INTS6L: variants seen among roughly 807,000 people sequenced by gnomAD.
The protein encoded by INTS6L is integrator complex subunit 6-like.
In INTS6L, 18 loss-of-function variants were observed where a neutral mutation model predicts 64.7. The observed-to-expected ratio is 0.28, with a 90% CI of 0.19 to 0.41. INTS6L has a LOEUF of 0.41. Ranked by LOEUF, INTS6L falls within the 10% of genes least tolerant of loss-of-function variation. The pLI is 1.00. For synonymous variants in INTS6L, 227 were observed against 235.9 expected (o/e 0.96, Z 0.34); for missense variants, 533 against 661.0 (o/e 0.81, Z 2.12).
chrX:135,531,185 C>T (rs1260125671), intron 2 of INTS6L, among the ~76,000 whole-genome samples: 4 of 112,793 alleles, frequency 3.5e-5, no homozygotes, highest in Non-Finnish European at 7.5e-5. Context: ...TTGTCCTTGA[C>T]TACATTTGAA....
Position 135,556,174 on chromosome X carries a change from G to A in INTS6L, c.1066G>A (p.Val356Ile). The A allele has an allele frequency of 1.0e-5, 12 of 1,177,450 alleles. No homozygotes were observed. The highest frequency in any genetic ancestry group is 1.4e-5 in the Non-Finnish European group (12 of 881,790). ...TACTTCATGTTATTCTCAGGTATTT[G>A]TTACTAGCAGTGGAAAGTACAATGA... ...KSPHTCWQVFVTSSGKYNELG... is the reference protein window; with the variant it reads ...KSPHTCWQVFITSSGKYNELG... The change falls in exon 9 of 18, where the codon GTT becomes ATT. Residue 356 changes from valine to isoleucine, a missense_variant. Coordinates refer to ENST00000639893, the MANE Select transcript of INTS6L (RefSeq NM_001351601.3).
At chrX:135,543,478 C>T (rs2148607028) in intron 2 of INTS6L, among the ~76,000 whole-genome samples, 1 of 111,845 alleles carries the variant, frequency 8.9e-6, no homozygotes, top group Non-Finnish European at 1.9e-5. Context: ...TCAAATGTCC[C>T]ACTTTCAGTG....
intron 11 of INTS6L, 164 bp downstream of exon 11, chrX:135,570,710 G>T: frequency 1.7e-6 from 1 of 592,741 alleles, no homozygotes; most frequent in Non-Finnish European, 2.4e-6. Context: ...TCACCATTAA[G>T]CTGCAGTTAA....
chrX:135,535,193 A>G (rs940650671), intron 2 of INTS6L, among the ~76,000 whole-genome samples: 7 of 111,613 alleles, frequency 6.3e-5, no homozygotes, highest in Non-Finnish European at 1.3e-4. Context: ...ACAAGAAGGA[A>G]GACAGTTCCA....
intron 9 of INTS6L, among the ~76,000 whole-genome samples, chrX:135,562,310 T>TTGAAA (rs1207077381): frequency 8.9e-6 from 1 of 112,384 alleles, no homozygotes. Flanking sequence ...GAAATTTACC[T>TTGAAA]ATTATCTTTT....
chrX:135,548,319 A>G, intron 6 of INTS6L, among the ~76,000 whole-genome samples: 1 of 111,014 alleles, frequency 9.0e-6, no homozygotes, highest in Non-Finnish European at 1.9e-5. Flanking sequence ...AAATACAGAC[A>G]TAAGTGACAC....
intron 9 of INTS6L, among the ~76,000 whole-genome samples, chrX:135,559,365 A>C (rs1201301095): frequency 8.9e-6 from 1 of 112,135 alleles, no homozygotes; most frequent in South Asian, 3.7e-4. Flanking sequence ...TATTATATCA[A>C]GAATGTTATA....
intron 9 of INTS6L, among the ~76,000 whole-genome samples, chrX:135,562,350 G>A (rs1408644729): frequency 8.9e-6 from 1 of 111,882 alleles, no homozygotes; most frequent in Non-Finnish European, 1.9e-5. Flanking sequence ...GAATTCCATC[G>A]TGGTCAGAGG....
chrX:135,526,102 A>G (rs1476116443), intron 2 of INTS6L, among the ~76,000 whole-genome samples: 1 of 110,756 alleles, frequency 9.0e-6, no homozygotes, highest in African/African-American at 3.3e-5. Flanking sequence ...TGTATCCCCA[A>G]CCTCTCTCGT....
rs2148614728 is a variant in INTS6L at position 135,546,716 on chromosome X, G to A, written c.444G>A (p.Leu148=). The part of the protein sequence containing the change: ...AGVQEELHLP[L]NSPLPGSELT... ...TGCCTTATCAGCTCCATCTTCCTTT[G>A]AATTCCCCTCTGCCTGGAAGTGAAC... The change falls in exon 5 of 18, where the codon TTG becomes TTA. Residue 148 remains leucine, a synonymous_variant. Transcript: ENST00000639893. 1 of 1,205,674 alleles carries A rather than the reference G, an allele frequency of 8.3e-7. No homozygotes were observed. The highest frequency in any genetic ancestry group is 1.1e-6 in the Non-Finnish European group (1 of 891,981).
rs782184625 is a variant in INTS6L at position 135,547,758 on chromosome X, T to A, written c.742+493T>A. 5.4e-5 allele frequency among the ~76,000 whole-genome samples: 6 copies of A among 112,078 alleles called. No individual in the cohort carries two copies. In the South Asian group the frequency reaches 2.2e-3, roughly 42 times the overall value. ...TATTTTCCCGGTCACTTTTTCACTC[T>A]GAAGTTAAGAGTTGAGCAACCTTTT... is the stretch of plus-strand genomic sequence containing the variant. On this transcript the variant is annotated intron_variant, in intron 6 of 17. Transcript: ENST00000639893.
At chrX:135,553,240 T>C (rs1440837628) in intron 8 of INTS6L, among the ~76,000 whole-genome samples, 1 of 111,649 alleles carries the variant, frequency 9.0e-6, no homozygotes, top group Non-Finnish European at 1.9e-5. Flanking sequence ...TGCAAGGTAG[T>C]GGACAGAAGA....
At chrX:135,564,815 T>C (rs1428111035) in intron 9 of INTS6L, among the ~76,000 whole-genome samples, 6 of 111,464 alleles carry the variant, frequency 5.4e-5, no homozygotes, top group Non-Finnish European at 9.4e-5. Flanking sequence ...CAATATTTTG[T>C]TATGAGTCTC....
At chrX:135,538,572 C>T (rs1373343367) in intron 2 of INTS6L, among the ~76,000 whole-genome samples, 2 of 112,067 alleles carry the variant, frequency 1.8e-5, no homozygotes, top group African/African-American at 6.5e-5. Context: ...CCATGAATCA[C>T]GAATGTTCTT....
chrX:135,563,521 C>T (rs2086838089), intron 9 of INTS6L, among the ~76,000 whole-genome samples: 1 of 106,532 alleles, frequency 9.4e-6, no homozygotes, highest in African/African-American at 3.5e-5. Context: ...GTGACAAATT[C>T]TCTTAGTTTC....
chrX:135,556,014 A>G (rs2086640098), intron 8 of INTS6L, among the ~76,000 whole-genome samples, 154 bp from the exon 9 acceptor site: 1 of 112,139 alleles, frequency 8.9e-6, no homozygotes, highest in Non-Finnish European at 1.9e-5. Context: ...CTAGTATAAT[A>G]TATTTTGACA....
chrX:135,526,427 A>G (rs2085739883), intron 2 of INTS6L, among the ~76,000 whole-genome samples: 2 of 111,576 alleles, frequency 1.8e-5, no homozygotes, highest in Non-Finnish European at 3.8e-5. Context: ...CTTCACCCAC[A>G]ATGAAAAATT....
At chrX:135,523,402 CAA>C (rs782434658) in intron 2 of INTS6L, among the ~76,000 whole-genome samples, 55 of 36,963 alleles carry the variant, frequency 1.5e-3, no homozygotes, top group South Asian at 4.1e-3. Context: ...ACTCTGTCGT[CAA>C]AAAAAAAAAA....
intron 2 of INTS6L, among the ~76,000 whole-genome samples, chrX:135,523,149 T>A (rs1290113972): frequency 1.8e-5 from 2 of 109,987 alleles, no homozygotes; most frequent in Admixed American, 1.9e-4. Context: ...CTTTGGGAGG[T>A]CGAGATGGGC....
Sources: allele counts gnomAD v4.1 joint callset (sites outside exome capture counted in the v4.1 genomes callset), GRCh38; gene constraint gnomAD v4.1.1; transcripts MANE v1.5; gene names NCBI Gene and HGNC (gene_info 2026-07-23, HGNC 2026-07-21).